Variants in STARD9 observed in about 807,000 individuals in gnomAD.
STARD9 encodes StAR related lipid transfer domain containing 9.
In STARD9, 346 loss-of-function variants were observed where a neutral mutation model predicts 399.8. That is an observed-to-expected ratio of 0.87 (90% CI 0.79 to 0.95). STARD9 has a LOEUF of 0.95. STARD9 is among the 40% of genes least tolerant of loss of function. The pLI is 0.00. For missense variants in STARD9, 5,832 were observed against 5,667.5 expected, an observed-to-expected ratio of 1.03 and a Z score of -0.93; for synonymous variants, 2,203 against 2,143.5, an observed-to-expected ratio of 1.03 and a Z score of -0.77.
chr15:42,646,224 A>G (rs1433806932), intron 7 of STARD9, among the ~76,000 whole-genome samples: 3 of 152,190 alleles, frequency 2.0e-5, no homozygotes, highest in African/African-American at 4.8e-5. Context: ...CACCAGTTGC[A>G]TTAGCCCCTA....
At chr15:42,648,001 A>G (rs79816516) in intron 7 of STARD9, among the ~76,000 whole-genome samples, 4,620 of 152,278 alleles carry the variant, frequency 0.03, 216 homozygotes, top group African/African-American at 0.094. Flanking sequence ...TTTGGACCTT[A>G]TAAGACTTGA....
intron 32 of STARD9, 57 bp from the exon 33 acceptor site, chr15:42,719,416 C>CT (rs1410624917): frequency 8.7e-7 from 1 of 1,152,986 alleles, no homozygotes; most frequent in African/African-American, 1.5e-5. Flanking sequence ...GACTGGAGTA[C>CT]GCCTGGCATT....
intron 26 of STARD9, among the ~76,000 whole-genome samples, chr15:42,710,950 CGT>C (rs2061204982): frequency 1.3e-5 from 2 of 151,314 alleles, no homozygotes; most frequent in Non-Finnish European, 2.9e-5. Flanking sequence ...TGTTTGTCCC[CGT>C]GTTTTCACAT....
intron 3 of STARD9, among the ~76,000 whole-genome samples, chr15:42,598,858 G>A (rs1248884942): frequency 6.6e-6 from 1 of 152,166 alleles, no homozygotes; most frequent in Non-Finnish European, 1.5e-5. Flanking sequence ...CCACTGAAGT[G>A]AAAGGCTACT....
chr15:42,716,405 C>T (rs1335551446), intron 26 of STARD9, among the ~76,000 whole-genome samples: 1 of 152,196 alleles, frequency 6.6e-6, no homozygotes, highest in Non-Finnish European at 1.5e-5. Flanking sequence ...CAGAGCACCC[C>T]ATACTCTCAG....
intron 3 of STARD9, among the ~76,000 whole-genome samples, chr15:42,629,441 T>C (rs763170458): frequency 6.6e-6 from 1 of 152,202 alleles, no homozygotes; most frequent in Non-Finnish European, 1.5e-5. Flanking sequence ...TGTTAACATA[T>C]AGAAATGCTA....
chr15:42,691,681 C>A lies in STARD9; in HGVS notation c.10103C>A (p.Ser3368Ter). Residue 3368 changes from serine (S) to a stop codon, truncating the protein, a stop_gained, in exon 23 of 33, where the codon TCA becomes TAA. Coordinates refer to ENST00000290607, the MANE Select transcript of STARD9 (RefSeq NM_020759.3). LOFTEE classifies it high-confidence loss of function. ...LWNPHLRGYS[S>*]GKSVARTSLQ... is the part of the protein sequence containing the mutation. ...AACCCACATCTCAGGGGCTATTCCT[C>A]AGGAAAGTCAGTGGCAAGAACATCT... 1 of 1,537,266 alleles carries A rather than the reference C, an allele frequency of 6.5e-7. No individual in the cohort carries two copies. Among genetic ancestry groups the A allele is most frequent in the African/African-American group, 1.4e-5 (1 of 73,166 alleles).
At chr15:42,695,348 T>C (rs2060820170) in intron 25 of STARD9, 25 bp downstream of exon 25, 1 of 1,511,310 alleles carries the variant, frequency 6.6e-7, no homozygotes. Flanking sequence ...ATGCCTCTGA[T>C]TTCAGGATAG....
chr15:42,707,705 C>T (rs1255843531), intron 26 of STARD9, among the ~76,000 whole-genome samples: 1 of 152,104 alleles, frequency 6.6e-6, no homozygotes, highest in Non-Finnish European at 1.5e-5. Flanking sequence ...CTCCTGACCT[C>T]ATGATCCGCC....
At chr15:42,645,556 C>T (rs374281694) in intron 7 of STARD9, among the ~76,000 whole-genome samples, 1 of 151,672 alleles carries the variant, frequency 6.6e-6, no homozygotes, top group African/African-American at 2.4e-5. Context: ...TTCTTAAGGG[C>T]CCTAGGATTT....
At position 42,718,841 on chromosome 15, in the gene STARD9, C is replaced by G. The variant is rs779363373; in HGVS notation, c.13932C>G (p.Pro4644=). 7.2e-6 allele frequency: 11 copies of G among 1,536,960 alleles called. No individual in the cohort carries two copies. Among genetic ancestry groups the G allele is most frequent in the Non-Finnish European group, 8.7e-7 (1 of 1,146,748 alleles). ...SRKMVRGEIL[P]SAWILQPITV... ...AAATGGTTCGCGGGGAGATCCTGCC[C>G]AGTGCCTGGATCTTGCAGCCCATCA... is the stretch of plus-strand genomic sequence containing the variant. The change falls in exon 32 of 33, where the codon CCC becomes CCG. Residue 4644 remains proline, a synonymous_variant. Coordinates refer to ENST00000290607, the MANE Select transcript of STARD9 (RefSeq NM_020759.3).
intron 9 of STARD9, among the ~76,000 whole-genome samples, chr15:42,660,207 G>C (rs1436630718): frequency 6.6e-6 from 1 of 152,198 alleles, no homozygotes. Context: ...TGACTGCAAA[G>C]ACTTGAGGGA....
chr15:42,688,433 C>G lies in STARD9; in HGVS notation c.6855C>G (p.Ser2285Arg), dbSNP rs2060613386. ...AAATGCCTATGCAAAGGGGAGGCAGCCTTCAGGAAGAAAATAAAGTGACTC... is the reference window on the plus strand; with the variant it reads ...AAATGCCTATGCAAAGGGGAGGCAGGCTTCAGGAAGAAAATAAAGTGACTC... ...VEEMPMQRGGSLQEENKVTQK... is the reference protein window; with the variant it reads ...VEEMPMQRGGRLQEENKVTQK... Residue 2285 changes from serine to arginine, a missense_variant, in exon 23 of 33, where the codon AGC (serine) becomes AGG (arginine). Around this residue, in one of 2 missense-constraint regions of STARD9, gnomAD observed 5,828 missense variants for 5,651.1 expected, o/e 1.03. Transcript: ENST00000290607. The G allele has an allele frequency of 6.5e-7, 1 of 1,537,552 alleles. No homozygotes were observed. Among genetic ancestry groups the G allele is most frequent in the Non-Finnish European group, 8.7e-7 (1 of 1,147,032 alleles).
chr15:42,719,099 C>A (rs2280048), intron 32 of STARD9, among the ~76,000 whole-genome samples, 189 bp downstream of exon 32: 61,234 of 152,108 alleles, frequency 0.4, 18,206 homozygotes, highest in African/African-American at 0.84. Flanking sequence ...GAAGGGAATG[C>A]GACAGGAGTT....
At position 42,687,234 on chromosome 15, in the gene STARD9, G is replaced by C. The variant is rs1373373955; in HGVS notation, c.5656G>C (p.Gly1886Arg). 7 of 1,537,030 alleles carry C rather than the reference G, an allele frequency of 4.6e-6. No individual in the cohort carries two copies. The African/African-American group carries it at 8.2e-5, about 18-fold the overall frequency. The change falls in exon 23 of 33, where the codon GGA (glycine) becomes CGA (arginine). Residue 1886 changes from glycine to arginine, a missense_variant. Gly to Arg is a moderately radical substitution (Grantham distance 125, BLOSUM62 -2). Transcript: ENST00000290607. ...NKKHSFPALEGGEVTAQSCCG... is the reference protein window; with the variant it reads ...NKKHSFPALERGEVTAQSCCG... The stretch of plus-strand genomic sequence containing the variant: ...AAAACACAGTTTTCCAGCACTTGAG[G>C]GAGGAGAGGTCACTGCTCAGTCCTG...
chr15:42,684,101 T>G lies in STARD9; in HGVS notation c.2538-15T>G. 1 of 1,515,554 alleles carries G rather than the reference T, an allele frequency of 6.6e-7. No homozygotes were observed. Among genetic ancestry groups the G allele is most frequent in the Non-Finnish European group, 8.8e-7 (1 of 1,132,560 alleles). The allele number at this position is 1,515,554 out of a possible 1,614,324, so 93.9% of individuals were successfully genotyped here. ...CCTCTCACATCTTCTGAGATAGCTT[T>G]CCTTGTCTTCACAGCATTTTCCTAA... On this transcript the variant is annotated splice_polypyrimidine_tract_variant and intron_variant, in intron 22 of 32. Coordinates refer to ENST00000290607, the MANE Select transcript of STARD9 (RefSeq NM_020759.3).
intron 3 of STARD9, among the ~76,000 whole-genome samples, chr15:42,599,084 T>G (rs771187162): frequency 2.0e-5 from 3 of 152,022 alleles, no homozygotes; most frequent in Non-Finnish European, 1.5e-5. Context: ...CCACCATGCC[T>G]GGCTAATTTT....
In STARD9 at chr15:42,682,574, AGGT is replaced by A; in HGVS notation, c.2537_2537+2del. ...CAGCAAGCACATGCCCCAGCTACACAGGTACAGCCAGTAGTTGTCACTGGGAAG... is the reference window on the plus strand; with the variant it reads ...CAGCAAGCACATGCCCCAGCTACACAACAGCCAGTAGTTGTCACTGGGAAG... On this transcript the variant is annotated splice_donor_variant and coding_sequence_variant, in exon 22 of 33. Transcript: ENST00000290607. LOFTEE classifies it high-confidence loss of function. 2.0e-6 allele frequency: 3 copies of A among 1,530,342 alleles called. No homozygotes were observed. Among genetic ancestry groups the A allele is most frequent in the Non-Finnish European group, 1.8e-6 (2 of 1,142,456 alleles). 94.8% of individuals were successfully genotyped at this position (1,530,342 alleles called of 1,614,324 possible). A position where few individuals can be genotyped will look rare whatever the true frequency, so the allele number is the denominator to read the frequency against.
chr15:42,601,954 C>T (rs1399618324), intron 3 of STARD9, among the ~76,000 whole-genome samples: 2 of 152,222 alleles, frequency 1.3e-5, no homozygotes, highest in African/African-American at 4.8e-5. Context: ...TCAGGTGATT[C>T]TCCTGCCTCA....
Sources: gnomAD v4.1 joint callset for allele counts (sites outside exome capture counted in the v4.1 genomes callset) on GRCh38, gnomAD v4.1.1 for gene constraint, gnomAD v4.1.1 regional missense constraint, MANE v1.5 for transcripts, NCBI Gene and HGNC (gene_info 2026-07-23, HGNC 2026-07-21) for gene names.